RPS6KA2: variants seen among roughly 807,000 people sequenced by gnomAD.
The protein encoded by RPS6KA2 is ribosomal protein S6 kinase A2.
A neutral mutation model predicts 91.8 loss-of-function variants in RPS6KA2; 42 were observed. That is an observed-to-expected ratio of 0.46 (90% CI 0.36 to 0.59). The LOEUF (loss-of-function observed/expected upper bound fraction) is 0.59, where lower values mean the gene tolerates loss of function less well. Among genes scored for constraint, RPS6KA2 ranks in the 20% least tolerant of loss-of-function variants. The pLI is 0.00. For missense variants in RPS6KA2, 798 were observed against 978.5 expected (o/e 0.82, Z 2.46); for synonymous variants, 414 against 393.6 (o/e 1.05, Z -0.61).
chr6:166,648,711 C>T lies in RPS6KA2; in HGVS notation c.124-109927G>A, dbSNP rs1363814508. Among the ~76,000 whole-genome samples, 1 of 152,178 alleles carries T rather than the reference C, an allele frequency of 6.6e-6. No individual in the cohort carries two copies. Among genetic ancestry groups the T allele is most frequent in the African/African-American group, 2.4e-5 (1 of 41,430 alleles). ...TGCAGCCGACTCCATCTGCGCATCA[C>T]TCCGATCTGTATTACAGTGATTACT... On this transcript the variant is annotated intron_variant, in intron 2 of 21. Coordinates refer to the RPS6KA2 transcript ENST00000503859. This position sits in a 1 kb window ranked among gnomAD's most constrained non-coding sequence, Gnocchi z 4.8.
rs554928700 is a variant in RPS6KA2, at chr6:166,747,923, C to T, written c.123+110277G>A. ...GCTGTGAGAAGGCAGCGGCTGTGTA[C>T]GGACACAGAGCAGACACAGGCACTG... On this transcript the variant is annotated intron_variant, in intron 2 of 21. Transcript: ENST00000503859. Among the ~76,000 whole-genome samples, 81 of 152,282 alleles carry T rather than the reference C, an allele frequency of 5.3e-4. 1 individual carries two copies. In the South Asian group the frequency reaches 7.5e-3, roughly 14 times the overall value.
At chr6:166,502,753 C>A (rs1356271842) in intron 6 of RPS6KA2, among the ~76,000 whole-genome samples, 1 of 152,244 alleles carries the variant, frequency 6.6e-6, no homozygotes, top group African/African-American at 2.4e-5. Context: ...ACTCCCAGGG[C>A]TCAGAGCACC....
At chr6:166,762,055 C>G (rs78216327) in intron 2 of RPS6KA2, among the ~76,000 whole-genome samples, 116 of 152,308 alleles carry the variant, frequency 7.6e-4, no homozygotes, top group Non-Finnish European at 1.3e-3. Context: ...GAAGCAGGCT[C>G]TATCACGTGG....
At chr6:166,499,955 G>A (rs1781966070) in intron 7 of RPS6KA2, among the ~76,000 whole-genome samples, 1 of 152,248 alleles carries the variant, frequency 6.6e-6, no homozygotes, top group African/African-American at 2.4e-5. Flanking sequence ...AGGATCTGGA[G>A]ATAGGGGATG....
At chr6:166,501,335 C>A (rs1183343739) in intron 6 of RPS6KA2, among the ~76,000 whole-genome samples, 1 of 152,198 alleles carries the variant, frequency 6.6e-6, no homozygotes, top group Non-Finnish European at 1.5e-5. Flanking sequence ...ACTCGGGATG[C>A]CCTTGATGTC....
intron 12 of RPS6KA2, among the ~76,000 whole-genome samples, chr6:166,456,149 GC>G (rs1451183313): frequency 1.3e-5 from 2 of 152,182 alleles, no homozygotes; most frequent in East Asian, 3.8e-4. Context: ...ACCTTCCGTG[GC>G]CAGAGAACCC....
In RPS6KA2 at chr6:166,804,634, T is replaced by C. The variant is rs374810586; in HGVS notation, c.123+53566A>G. Among the ~76,000 whole-genome samples the C allele has an allele frequency of 5.3e-5, 8 of 152,212 alleles. No individual in the cohort carries two copies. The South Asian group carries it at 1.7e-3, about 31-fold the overall frequency. ...ATAGAGTATTATATATTTATCTATA[T>C]ACGTTAGGTATCATATATTTATGTG... On this transcript the variant is annotated intron_variant, in intron 2 of 21. Coordinates refer to the RPS6KA2 transcript ENST00000503859.
chr6:166,604,278 T>C (rs1334485275), intron 1 of RPS6KA2, among the ~76,000 whole-genome samples: 3 of 152,082 alleles, frequency 2.0e-5, no homozygotes, highest in Non-Finnish European at 4.4e-5. Context: ...AATGGGAACA[T>C]AACAGCTCAC....
intron 20 of RPS6KA2, among the ~76,000 whole-genome samples, chr6:166,413,271 A>C (rs2235297): frequency 1.3e-5 from 2 of 151,980 alleles, no homozygotes; most frequent in Non-Finnish European, 2.9e-5. Context: ...TGCCAGGGCC[A>C]GTCACCCTGG....
chr6:166,728,176 G>A (rs1790398234), intron 2 of RPS6KA2, among the ~76,000 whole-genome samples: 2 of 152,340 alleles, frequency 1.3e-5, no homozygotes, highest in South Asian at 4.1e-4. Flanking sequence ...GGTGTCGACA[G>A]AGGTCCTGGA....
At chr6:166,452,243 T>A (rs1779940461) in intron 12 of RPS6KA2, among the ~76,000 whole-genome samples, 1 of 152,152 alleles carries the variant, frequency 6.6e-6, no homozygotes, top group South Asian at 2.1e-4. Context: ...AAGCCAACTT[T>A]AAAATTTCAA....
chr6:166,729,576 G>C (rs1010815496), intron 2 of RPS6KA2, among the ~76,000 whole-genome samples: 4 of 152,142 alleles, frequency 2.6e-5, no homozygotes, highest in Non-Finnish European at 5.9e-5. Context: ...TCCTGGGCTC[G>C]AGCAGTCTGC....
Position 166,423,846 on chromosome 6 carries a change from G to C in RPS6KA2, c.1582-429C>G, listed in dbSNP as rs1778818057. On this transcript the variant is annotated intron_variant, in intron 16 of 20. Coordinates refer to ENST00000265678, the MANE Select transcript of RPS6KA2 (RefSeq NM_021135.6). The surrounding 1 kb of genome is among the most constrained non-coding windows in gnomAD (Gnocchi z 4.8). ...ACTGTGAGGTGTTGGAGCAGCACCA[G>C]TGAGCAGCACAGATCAGGCACCTGC... is the stretch of plus-strand genomic sequence containing the variant. 6.3e-6 allele frequency: 1 copy of C among 158,850 alleles called. No homozygotes were observed. The highest frequency in any genetic ancestry group is 1.4e-5 in the Non-Finnish European group (1 of 72,350). The allele number at this position is 158,850 out of a possible 1,614,324, so 9.8% of individuals were successfully genotyped here.
intron 11 of RPS6KA2, among the ~76,000 whole-genome samples, chr6:166,465,646 T>C (rs1370086044): frequency 6.6e-6 from 1 of 152,234 alleles, no homozygotes; most frequent in Non-Finnish European, 1.5e-5. Flanking sequence ...TTCTCCTCCT[T>C]CTGCCCCTCT....
intron 7 of RPS6KA2, among the ~76,000 whole-genome samples, chr6:166,499,536 G>A (rs576023783): frequency 1.3e-5 from 2 of 152,336 alleles, no homozygotes; most frequent in East Asian, 1.9e-4. Context: ...TGCTATTCTC[G>A]TGACAGTGAA....
rs775933664 is a variant in RPS6KA2 at position 166,451,225 on chromosome 6, C to G, written c.1084G>C (p.Gly362Arg). 6.2e-7 allele frequency: 1 copy of G among 1,613,706 alleles called. No homozygotes were observed. The highest frequency in any genetic ancestry group is 8.5e-7 in the Non-Finnish European group (1 of 1,179,884). The change falls in exon 13 of 21, where the codon GGC becomes CGC. Residue 362 changes from glycine (G) to arginine (R), a missense_variant. By Grantham distance (125) the Gly-to-Arg change is moderately radical (BLOSUM62 -2). Transcript: ENST00000265678. ...TGAGCGTTTGCACTCGGGGGGACGC[C>G]AGGAGAGTCTGTAGGTGACAGGGGC... ...FTARTPTDSP[G>R]VPPSANAHHL...
chr6:166,512,149 A>G (rs1261621617), intron 3 of RPS6KA2, among the ~76,000 whole-genome samples: 1 of 152,246 alleles, frequency 6.6e-6, no homozygotes, highest in African/African-American at 2.4e-5. Context: ...GCTCTAAAAA[A>G]GAGTAAAATT....
chr6:166,729,249 T>A (rs1049575288), intron 2 of RPS6KA2, among the ~76,000 whole-genome samples: 1 of 152,228 alleles, frequency 6.6e-6, no homozygotes, highest in Non-Finnish European at 1.5e-5. Flanking sequence ...CATGGCTGCC[T>A]ACAAGCCCTG....
At chr6:166,492,983 T>C (rs887513480) in intron 8 of RPS6KA2, among the ~76,000 whole-genome samples, 1 of 151,634 alleles carries the variant, frequency 6.6e-6, no homozygotes, top group Non-Finnish European at 1.5e-5. Flanking sequence ...CCGCCCGCCT[T>C]GGCCTCCCAC....
Sources: allele counts gnomAD v4.1 joint callset (sites outside exome capture counted in the v4.1 genomes callset), GRCh38; gene constraint gnomAD v4.1.1; non-coding constraint Gnocchi (gnomAD v3.1); transcripts MANE v1.5; gene names NCBI Gene and HGNC (gene_info 2026-07-23, HGNC 2026-07-21).